Variants in NALF1 observed in about 807,000 individuals in gnomAD.
NALF1 encodes family with sequence similarity 155 member A.
NALF1 carries 3 observed loss-of-function variants against 48.4 expected under a neutral mutation model. The observed-to-expected ratio is 0.06, with a 90% confidence interval of 0.03 to 0.16. The LOEUF is 0.16. NALF1 is among the 10% of genes least tolerant of loss of function. The pLI, the probability that NALF1 is intolerant of heterozygous loss-of-function variation, is 1.00. For missense variants in NALF1, 526 were observed against 571.5 expected, an observed-to-expected ratio of 0.92 and a Z score of 0.81; for synonymous variants, 262 against 245.7, an observed-to-expected ratio of 1.07 and a Z score of -0.62.
chr13:107,175,107 T>G (rs922625547), intron 2 of NALF1, among the ~76,000 whole-genome samples: 21 of 144,372 alleles, frequency 1.5e-4, no homozygotes, highest in Non-Finnish European at 3.0e-5. Context: ...GCCAGGATGT[T>G]CTCGATCTCC....
At chr13:107,670,285 A>G (rs1880959793) in intron 1 of NALF1, among the ~76,000 whole-genome samples, 1 of 152,026 alleles carries the variant, frequency 6.6e-6, no homozygotes, top group Non-Finnish European at 1.5e-5. Flanking sequence ...TACACTACGT[A>G]TACAAACATG....
chr13:107,668,304 T>A (rs1880909708), intron 1 of NALF1, among the ~76,000 whole-genome samples: 2 of 152,058 alleles, frequency 1.3e-5, no homozygotes, highest in Admixed American at 6.6e-5. Context: ...ACTTCTGAGG[T>A]TTGGAAAGTC....
chr13:107,229,351 T>G (rs1880172915), intron 1 of NALF1, among the ~76,000 whole-genome samples: 1 of 152,190 alleles, frequency 6.6e-6, no homozygotes, highest in Admixed American at 6.5e-5. Context: ...ATTCTCTCTC[T>G]GAGCATAAGG....
rs138867365 is a variant in NALF1 at position 107,743,137 on chromosome 13, C to A, written c.915+122545G>T. Among the ~76,000 whole-genome samples, 783 of 152,282 alleles carry A rather than the reference C, an allele frequency of 5.1e-3. 5 individuals carry two copies. Among genetic ancestry groups the A allele is most frequent in the African/African-American group, 0.018 (746 of 41,550 alleles). ...GAGGGAATTTAGCATGTCGATATCC[C>A]AACTTCTTCCCTAGCTGGGAGGCTA... is the stretch of plus-strand genomic sequence containing the variant. On this transcript the variant is annotated intron_variant, in intron 1 of 2. Coordinates refer to ENST00000375915, the MANE Select transcript of NALF1 (RefSeq NM_001080396.3).
intron 1 of NALF1, among the ~76,000 whole-genome samples, chr13:107,699,376 T>C (rs182448019): frequency 8.7e-4 from 133 of 152,266 alleles, no homozygotes; most frequent in African/African-American, 3.0e-3. Flanking sequence ...GGACCAAGTC[T>C]TAAATAGAAA....
At chr13:107,227,994 T>G (rs1454485922) in intron 1 of NALF1, among the ~76,000 whole-genome samples, 1 of 152,238 alleles carries the variant, frequency 6.6e-6, no homozygotes, top group East Asian at 1.9e-4. Flanking sequence ...GCTATTTAAT[T>G]AACTTATTCA....
intron 1 of NALF1, among the ~76,000 whole-genome samples, chr13:107,634,878 AT>A (rs1199562110): frequency 6.6e-6 from 1 of 152,176 alleles, no homozygotes; most frequent in Non-Finnish European, 1.5e-5. Context: ...TAATGAGGGA[AT>A]TACAGTCAAC....
At chr13:107,753,639 G>A (rs929525716) in intron 1 of NALF1, among the ~76,000 whole-genome samples, 4 of 151,930 alleles carry the variant, frequency 2.6e-5, no homozygotes, top group African/African-American at 9.7e-5. Context: ...GAAATATTAC[G>A]GATACACAGA....
intron 1 of NALF1, among the ~76,000 whole-genome samples, chr13:107,234,055 T>C (rs1880286418): frequency 6.6e-6 from 1 of 152,216 alleles, no homozygotes; most frequent in Non-Finnish European, 1.5e-5. Flanking sequence ...CAGTAGTTCA[T>C]ATTAACTGTG....
chr13:107,675,426 A>T lies in NALF1; in HGVS notation c.915+190256T>A, dbSNP rs60753865. 8.1e-3 allele frequency among the ~76,000 whole-genome samples: 1,238 copies of T among 152,294 alleles called. 18 individuals carry two copies. The highest frequency in any genetic ancestry group is 0.027 in the African/African-American group (1,130 of 41,566). On this transcript the variant is annotated intron_variant, in intron 1 of 2. Coordinates refer to ENST00000375915, the MANE Select transcript of NALF1 (RefSeq NM_001080396.3). ...GAGGCTTTTCTGCGGATGGGGGGGA[A>T]GGGAGGAAATCTTTATGTATCTGTT... is the stretch of plus-strand genomic sequence containing the variant.
At position 107,536,506 on chromosome 13, in the gene NALF1, A is replaced by G. The variant is rs566077064; in HGVS notation, c.916-325751T>C. 1.6e-3 allele frequency among the ~76,000 whole-genome samples: 237 copies of G among 152,330 alleles called. 10 individuals are homozygous for G. The East Asian group carries it at 0.043, about 28-fold the overall frequency. ...CTCATCATCACTGGCCATCAGAGAA[A>G]TGCAAATCAAAACTACAATGAGATA... On this transcript the variant is annotated intron_variant, in intron 1 of 2. Transcript: ENST00000375915.
At chr13:107,311,892 G>C (rs1882053505) in intron 1 of NALF1, among the ~76,000 whole-genome samples, 1 of 152,150 alleles carries the variant, frequency 6.6e-6, no homozygotes, top group South Asian at 2.1e-4. Context: ...ACACCAGTTA[G>C]AATGGCCATC....
At chr13:107,805,159 T>G (rs540822699) in intron 1 of NALF1, among the ~76,000 whole-genome samples, 1 of 152,286 alleles carries the variant, frequency 6.6e-6, no homozygotes, top group African/African-American at 2.4e-5. Context: ...TTATCCTAGG[T>G]TTATGTTTTA....
intron 1 of NALF1, among the ~76,000 whole-genome samples, chr13:107,297,189 C>T (rs1303015691): frequency 2.0e-5 from 3 of 152,080 alleles, no homozygotes; most frequent in African/African-American, 7.2e-5. Flanking sequence ...ACTTGATTAT[C>T]TCCTTCTCTC....
At chr13:107,347,279 T>C (rs1483253378) in intron 1 of NALF1, among the ~76,000 whole-genome samples, 1 of 152,216 alleles carries the variant, frequency 6.6e-6, no homozygotes, top group Admixed American at 6.5e-5. Flanking sequence ...GTGCTAGACA[T>C]CAGGTGCTGC....
At chr13:107,237,814 T>C (rs1880383639) in intron 1 of NALF1, among the ~76,000 whole-genome samples, 1 of 152,172 alleles carries the variant, frequency 6.6e-6, no homozygotes. Context: ...TATGCATATA[T>C]GTATATTGGG....
chr13:107,577,445 T>C (rs996582933), intron 1 of NALF1, among the ~76,000 whole-genome samples: 1 of 151,448 alleles, frequency 6.6e-6, no homozygotes, highest in Non-Finnish European at 1.5e-5. Context: ...GAAAGGAACA[T>C]AGGTTTGGGA....
At chr13:107,854,691 C>A (rs1170035008) in intron 1 of NALF1, among the ~76,000 whole-genome samples, 1 of 151,876 alleles carries the variant, frequency 6.6e-6, no homozygotes, top group East Asian at 1.9e-4. Flanking sequence ...GCCAACATGG[C>A]AAAACACCGT....
At chr13:107,469,319 C>A (rs530122236) in intron 1 of NALF1, among the ~76,000 whole-genome samples, 10 of 152,210 alleles carry the variant, frequency 6.6e-5, no homozygotes, top group African/African-American at 2.4e-4. Context: ...CGTGATGCTT[C>A]TTATAGACGA....
Sources: gnomAD v4.1 joint callset for allele counts (sites outside exome capture counted in the v4.1 genomes callset) on GRCh38, gnomAD v4.1.1 for gene constraint, MANE v1.5 for transcripts, NCBI Gene and HGNC (gene_info 2026-07-23, HGNC 2026-07-21) for gene names.